The following RNF10 variants were observed in gnomAD, a reference collection of about 807,000 sequenced individuals.
RNF10 encodes ring finger protein 10.
In RNF10, 38 loss-of-function variants were observed where a neutral mutation model predicts 91.4. The observed-to-expected ratio is 0.42, with a 90% confidence interval of 0.32 to 0.54. The LOEUF (loss-of-function observed/expected upper bound fraction) is 0.54. RNF10 is among the 20% of genes least tolerant of loss of function. The probability of loss-of-function intolerance (pLI) is 0.16; values close to 1 mark genes in which losing one functional copy is unlikely to be tolerated. For missense variants in RNF10, 945 were observed against 1,012.0 expected (o/e 0.93, Z 0.90); for synonymous variants, 364 against 366.3 (o/e 0.99, Z 0.07).
chr12:120,553,495 C>T (rs185725932), intron 3 of RNF10, among the ~76,000 whole-genome samples: 47 of 151,530 alleles, frequency 3.1e-4, no homozygotes, highest in East Asian at 2.5e-3. Context: ...CTCCACCTCC[C>T]GGAGCTTCAT....
At chr12:120,571,317 C>T in intron 14 of RNF10, 26 bp downstream of exon 14, 1 of 1,512,234 alleles carries the variant, frequency 6.6e-7, no homozygotes, top group Non-Finnish European at 9.2e-7. Flanking sequence ...GTGAAGCAGC[C>T]CAGGGGTATT....
At chr12:120,566,197 C>A (rs990786232) in intron 12 of RNF10, among the ~76,000 whole-genome samples, 45 of 152,098 alleles carry the variant, frequency 3.0e-4, no homozygotes, top group African/African-American at 9.2e-4. Flanking sequence ...AGGTGTTTGG[C>A]ACATGTCCTG....
At chr12:120,547,792 A>G (rs1010122846) in intron 2 of RNF10, among the ~76,000 whole-genome samples, 5 of 152,204 alleles carry the variant, frequency 3.3e-5, no homozygotes, top group African/African-American at 1.2e-4. Flanking sequence ...GCTTTTGTTC[A>G]GAGAGATGAG....
At position 120,563,924 on chromosome 12, in the gene RNF10, C is replaced by T. The variant is rs1276177961; in HGVS notation, c.1646C>T (p.Ala549Val). The T allele has an allele frequency of 6.2e-7, 1 of 1,614,184 alleles. No homozygotes were observed. The highest frequency in any genetic ancestry group is 1.1e-5 in the South Asian group (1 of 91,082). The change falls in exon 10 of 17, where the codon GCT becomes GTT. Residue 549 changes from alanine (A) to valine (V), a missense_variant. By Grantham distance (64) the Ala-to-Val change is moderately conservative. Coordinates refer to ENST00000325954, the MANE Select transcript of RNF10 (RefSeq NM_014868.5). The stretch of plus-strand genomic sequence containing the variant: ...ATCTCAGCAACTGTGGTGGAGATTG[C>T]TGGCTACTCCATGTCTGAGGTGAGG... ...EKISATVVEI[A>V]GYSMSEDVRQ...
intron 4 of RNF10, among the ~76,000 whole-genome samples, chr12:120,555,078 T>C (rs543417359): frequency 1.9e-4 from 29 of 152,330 alleles, no homozygotes; most frequent in African/African-American, 5.5e-4. Flanking sequence ...TGATCTGGGT[T>C]GGGCTCATTA....
At position 120,534,886 on chromosome 12, in the gene RNF10, C is replaced by T. The variant is rs756024724; in HGVS notation, c.75C>T (p.Ser25=). 2.5e-6 allele frequency: 4 copies of T among 1,608,538 alleles called. No homozygotes were observed. Among genetic ancestry groups the T allele is most frequent in the South Asian group, 1.1e-5 (1 of 91,012 alleles). ...AGAACAGCGGCTCCAACAGCTCCTC[C>T]GCCTCTTCGGGCAGCAGCAAAGGGC... ...MDKNSGSNSS[S]ASSGSSKGQQ... Residue 25 remains serine, a synonymous_variant, in exon 1 of 17, where the codon TCC becomes TCT. Transcript: ENST00000325954.
At chr12:120,554,679 C>A in intron 3 of RNF10, 39 bp from the exon 4 acceptor site, 1 of 1,468,980 alleles carries the variant, frequency 6.8e-7, no homozygotes, top group Non-Finnish European at 9.5e-7. Context: ...ATTGGTAGAT[C>A]CTGACAGTCT....
chr12:120,575,326 A>T (rs1356223397), intron 14 of RNF10: 1 of 309,822 alleles, frequency 3.2e-6, no homozygotes, highest in East Asian at 6.9e-5. Flanking sequence ...CTTAACCAGA[A>T]AGTCGGAATT....
chr12:120,535,612 T>A (rs993560861), intron 1 of RNF10: 1 of 152,202 alleles, frequency 6.6e-6, no homozygotes, highest in African/African-American at 2.4e-5. Context: ...CTTAAAAAAC[T>A]AATTAAAAAC....
chr12:120,562,310 C>T lies in RNF10; in HGVS notation c.1129-635C>T, dbSNP rs1264968238. 7.5e-5 allele frequency among the ~76,000 whole-genome samples: 9 copies of T among 120,632 alleles called. No homozygotes were observed. In the East Asian group the frequency reaches 7.6e-4, roughly 10 times the overall value. The allele number at this position is 120,632 out of a possible 152,430, so 79.1% of individuals were successfully genotyped here. A position where few individuals can be genotyped will look rare whatever the true frequency, so the allele number is the denominator to read the frequency against. On this transcript the variant is annotated intron_variant, in intron 7 of 16. Transcript: ENST00000325954. ...TTTTTTTGAGACAGAGTTTTGCTCTCGTTGCCCAGGCTGGAGTGCAGTGGC... is the reference window on the plus strand; with the variant it reads ...TTTTTTTGAGACAGAGTTTTGCTCTTGTTGCCCAGGCTGGAGTGCAGTGGC...
intron 14 of RNF10, among the ~76,000 whole-genome samples, chr12:120,573,574 G>C (rs1371344238): frequency 3.4e-5 from 5 of 148,652 alleles, no homozygotes; most frequent in African/African-American, 1.3e-4. Flanking sequence ...ACCCGACGCC[G>C]AGTCATTTAT....
chr12:120,574,045 T>C (rs608724), intron 14 of RNF10, among the ~76,000 whole-genome samples: 81,128 of 152,018 alleles, frequency 0.53, 24,805 homozygotes, highest in East Asian at 0.77. Context: ...GACCCATACA[T>C]CTCCCATTAG....
chr12:120,545,305 C>T (rs1872151507), intron 1 of RNF10, among the ~76,000 whole-genome samples: 1 of 151,784 alleles, frequency 6.6e-6, no homozygotes. Flanking sequence ...CCTCAGCCTC[C>T]CGAGTAGCTG....
At chr12:120,574,787 G>T (rs1300906250) in intron 14 of RNF10, 1 of 280,098 alleles carries the variant, frequency 3.6e-6, no homozygotes, top group Non-Finnish European at 7.1e-6. Flanking sequence ...TTAGCCGGGC[G>T]TGGTGGTGCA....
In RNF10 at chr12:120,552,536, A is replaced by G. The variant is rs771867119; in HGVS notation, c.392A>G (p.Gln131Arg). 3.7e-6 allele frequency: 6 copies of G among 1,614,094 alleles called. No individual in the cohort carries two copies. In the African/African-American group the frequency reaches 8.0e-5, roughly 22 times the overall value. ...EAQRAEFSPAQFSGPKKINLN... is the reference protein window; with the variant it reads ...EAQRAEFSPARFSGPKKINLN... ...CAACGGGCAGAGTTTAGCCCTGCCC[A>G]GTTCTCTGGTCCTAAGAAGATCAAC... The change falls in exon 3 of 17, where the codon CAG (glutamine) becomes CGG (arginine). Residue 131 changes from glutamine (Q) to arginine (R), a missense_variant. Physicochemically the swap from Gln to Arg is conservative, Grantham distance 43 (BLOSUM62 1). Transcript: ENST00000325954.
Position 120,560,815 on chromosome 12 carries a change from G to C in RNF10, c.1057G>C (p.Glu353Gln), listed in dbSNP as rs1283613906. The part of the protein sequence containing the change: ...RVVLEEKVAL[E>Q]QQLAEEKHTP... ...AGTTCTGGAGGAGAAAGTAGCACTA[G>C]AGCAGCAGCTGGCAGAGGAGAAGCA... The change falls in exon 7 of 17, where the codon GAG (glutamate) becomes CAG (glutamine). Residue 353 changes from glutamate to glutamine, a missense_variant. Physicochemically the swap from Glu to Gln is conservative, Grantham distance 29 (BLOSUM62 2). Coordinates refer to ENST00000325954, the MANE Select transcript of RNF10 (RefSeq NM_014868.5). The C allele has an allele frequency of 1.1e-5, 18 of 1,614,082 alleles. No individual in the cohort carries two copies. The highest frequency in any genetic ancestry group is 1.5e-5 in the Non-Finnish European group (18 of 1,180,052).
chr12:120,565,174 C>G lies in RNF10; in HGVS notation c.1768C>G (p.Leu590Val), dbSNP rs147370516. 1.2e-6 allele frequency: 2 copies of G among 1,603,136 alleles called. No individual in the cohort carries two copies. The highest frequency in any genetic ancestry group is 1.7e-6 in the Non-Finnish European group (2 of 1,169,980). ...LQPPVVSKET[L>V]EMFSDDIEKR... is the part of the protein sequence containing the mutation. ...ACCTCCTGTGGTCTCTAAGGAAACC[C>G]TAGAGATGTTCTCAGGTGAGAATGC... The change falls in exon 11 of 17, where the codon CTA becomes GTA. Residue 590 changes from leucine (L) to valine (V), a missense_variant. Transcript: ENST00000325954.
At chr12:120,555,691 TC>T (rs1198332111) in intron 4 of RNF10, among the ~76,000 whole-genome samples, 1 of 151,622 alleles carries the variant, frequency 6.6e-6, no homozygotes, top group Non-Finnish European at 1.5e-5. Context: ...AGATGGGGTT[TC>T]TCCATGTTGG....
chr12:120,541,286 C>T (rs1385515657), intron 1 of RNF10, among the ~76,000 whole-genome samples: 1 of 152,148 alleles, frequency 6.6e-6, no homozygotes, highest in East Asian at 1.9e-4. Context: ...CTGAAACAGT[C>T]TTGGATAATG....
Sources: allele counts gnomAD v4.1 joint callset (sites outside exome capture counted in the v4.1 genomes callset), GRCh38; gene constraint gnomAD v4.1.1; transcripts MANE v1.5; gene names NCBI Gene and HGNC (gene_info 2026-07-23, HGNC 2026-07-21).